The following CEP295 variants were observed in gnomAD, a reference collection of about 807,000 sequenced individuals.
CEP295 encodes centrosomal protein 295.
CEP295 carries 190 observed loss-of-function variants against 291.6 expected under a neutral mutation model. The observed-to-expected ratio is 0.65, with a 90% confidence interval of 0.58 to 0.73. The LOEUF (loss-of-function observed/expected upper bound fraction) is 0.73. Ranked by LOEUF, CEP295 falls within the 30% of genes least tolerant of loss-of-function variation. The pLI is 0.00. For synonymous variants in CEP295, 993 were observed against 1,038.8 expected (o/e 0.96, Z 0.85); for missense variants, 2,863 against 2,949.4 (o/e 0.97, Z 0.68).
rs1049920925 is a variant in CEP295 at position 93,725,696 on chromosome 11, A to G, written c.6364A>G (p.Lys2122Glu). The change falls in exon 23 of 30, where the codon AAA becomes GAA. Residue 2122 changes from lysine to glutamate, a missense_variant. Physicochemically the swap from Lys to Glu is moderately conservative, Grantham distance 56. This residue lies in a region of CEP295 where 2,295 missense variants were observed against 2,335.7 expected (regional missense o/e 0.98). Transcript: ENST00000325212. ...AAGCCACTGTGCTACTGGATTATCCAAAAGTACAGTTTATTTCACAGCACT... is the reference window on the plus strand; with the variant it reads ...AAGCCACTGTGCTACTGGATTATCCGAAAGTACAGTTTATTTCACAGCACT... ...SESHCATGLSKSTVYFTALRR... is the reference protein window; with the variant it reads ...SESHCATGLSESTVYFTALRR... 3.9e-6 allele frequency: 6 copies of G among 1,551,096 alleles called. No homozygotes were observed. The African/African-American group carries it at 4.1e-5, about 11-fold the overall frequency.
At chr11:93,690,592 C>T (rs567591257) in intron 10 of CEP295, among the ~76,000 whole-genome samples, 11 of 144,896 alleles carry the variant, frequency 7.6e-5, no homozygotes, top group African/African-American at 2.6e-4. Context: ...GTGAGCCAGG[C>T]GTGGTGGCGG....
intron 25 of CEP295, 30 bp downstream of exon 25, chr11:93,728,851 C>A (rs1354944215): frequency 6.6e-7 from 1 of 1,513,908 alleles, no homozygotes; most frequent in Non-Finnish European, 8.9e-7. Context: ...CTATTTTATT[C>A]TATTACAAGC....
rs1271835584 is a variant in CEP295, at chr11:93,698,034, A to T, written c.3122A>T (p.Asp1041Val). The T allele has an allele frequency of 5.8e-6, 9 of 1,551,794 alleles. No homozygotes were observed. The highest frequency in any genetic ancestry group is 7.8e-6 in the Non-Finnish European group (9 of 1,147,006). Residue 1041 changes from aspartate (D) to valine (V), a missense_variant, in exon 15 of 30, where the codon GAT becomes GTT. Asp to Val is a radical substitution (Grantham distance 152, BLOSUM62 -3). This residue lies in a region of CEP295 where 2,295 missense variants were observed against 2,335.7 expected (regional missense o/e 0.98). Transcript: ENST00000325212. ...SCQSDIPISQDGSLSFLQQFL... is the reference protein window; with the variant it reads ...SCQSDIPISQVGSLSFLQQFL... ...CAATCTGACATCCCCATATCTCAGG[A>T]TGGGTCTTTGAGTTTCCTACAGCAG... is the stretch of plus-strand genomic sequence containing the variant.
intron 5 of CEP295, among the ~76,000 whole-genome samples, chr11:93,674,408 G>A (rs1288780125): frequency 3.9e-5 from 6 of 152,214 alleles, no homozygotes; most frequent in South Asian, 2.1e-4. Flanking sequence ...CATTTGTGAT[G>A]TCATTGAATT....
chr11:93,679,450 AT>A lies in CEP295; in HGVS notation c.665del (p.Leu222TrpfsTer27). The A allele has an allele frequency of 6.4e-7, 1 of 1,551,596 alleles. No homozygotes were observed. The highest frequency in any genetic ancestry group is 8.7e-7 in the Non-Finnish European group (1 of 1,146,864). ...RLAAEEEAKR[L>X]EELQKQAAQE... Reference sequence around the variant, plus strand: ...TGGCTGCTGAAGAGGAAGCTAAACGATTGGAAGAACTACAAAAACAGGCAGC... The same window carrying A: ...TGGCTGCTGAAGAGGAAGCTAAACGATGGAAGAACTACAAAAACAGGCAGC... On this transcript the variant is annotated frameshift_variant, in exon 7 of 30. Transcript: ENST00000325212. LOFTEE classifies it high-confidence loss of function.
chr11:93,728,973 T>A, intron 25 of CEP295, 152 bp downstream of exon 25: 1 of 630,698 alleles, frequency 1.6e-6, no homozygotes, highest in South Asian at 2.3e-5. Context: ...GTCTTAAACC[T>A]TCACTATTCT....
At chr11:93,678,465 T>A (rs1383919673) in intron 6 of CEP295, among the ~76,000 whole-genome samples, 1 of 152,244 alleles carries the variant, frequency 6.6e-6, no homozygotes, top group Non-Finnish European at 1.5e-5. Flanking sequence ...TATCTCACCA[T>A]GTGAGAATTT....
At chr11:93,715,798 TG>T (rs1239225610) in intron 18 of CEP295, among the ~76,000 whole-genome samples, 1 of 152,074 alleles carries the variant, frequency 6.6e-6, no homozygotes, top group Non-Finnish European at 1.5e-5. Flanking sequence ...GGTCCTAGTA[TG>T]GGGACCTCAT....
chr11:93,694,041 A>G (rs922919879), intron 12 of CEP295, among the ~76,000 whole-genome samples: 1 of 152,238 alleles, frequency 6.6e-6, no homozygotes, highest in Non-Finnish European at 1.5e-5. Flanking sequence ...AGGGGCTCCT[A>G]TGAGTAAGGG....
In CEP295 at chr11:93,702,544, G is replaced by A; in HGVS notation, c.5359G>A (p.Ala1787Thr). 1 of 1,551,092 alleles carries A rather than the reference G, an allele frequency of 6.4e-7. No individual in the cohort carries two copies. Among genetic ancestry groups the A allele is most frequent in the Non-Finnish European group, 8.7e-7 (1 of 1,146,646 alleles). The change falls in exon 16 of 30, where the codon GCA (alanine) becomes ACA (threonine). Residue 1787 changes from alanine to threonine, a missense_variant. This residue lies in a region of CEP295 where 2,295 missense variants were observed against 2,335.7 expected (regional missense o/e 0.98). Transcript: ENST00000325212. The stretch of plus-strand genomic sequence containing the variant: ...CTGGTTTCCTAATACACAAGACCTA[G>A]CAGGAAATGATCAAGAAAATATTAG... The part of the protein sequence containing the change: ...RDWFPNTQDL[A>T]GNDQENIRHA...
At position 93,727,460 on chromosome 11, in the gene CEP295, G is replaced by T. The variant is rs1344105400; in HGVS notation, c.6984G>T (p.Val2328=). The change falls in exon 24 of 30, where the codon GTG becomes GTT. Residue 2328 remains valine (V), a synonymous_variant. Transcript: ENST00000325212. Reference sequence around the variant, plus strand: ...ACTCTCGATTATGTGTAAGAACAGTGGAGATGGGAACTTCAATTCAGGCAC... The same window carrying T: ...ACTCTCGATTATGTGTAAGAACAGTTGAGATGGGAACTTCAATTCAGGCAC... ...ETDSRLCVRT[V]EMGTSIQAPY... The T allele has an allele frequency of 1.3e-6, 2 of 1,551,836 alleles. No homozygotes were observed. The highest frequency in any genetic ancestry group is 8.7e-7 in the Non-Finnish European group (1 of 1,147,026).
chr11:93,699,646 T>C lies in CEP295; in HGVS notation c.4734T>C (p.Ser1578=), dbSNP rs1275381741. 1.9e-6 allele frequency: 3 copies of C among 1,551,648 alleles called. No individual in the cohort carries two copies. The highest frequency in any genetic ancestry group is 2.6e-6 in the Non-Finnish European group (3 of 1,147,042). The change falls in exon 15 of 30, where the codon AGT becomes AGC. Residue 1578 remains serine, a synonymous_variant. Coordinates refer to ENST00000325212, the MANE Select transcript of CEP295 (RefSeq NM_033395.2). ...AAAGTAATGATACTCTTCCCTCAAG[T>C]CATCGTGAGATTCCAAGATTACAGG... ...PTKSNDTLPS[S]HREIPRLQDR... is the part of the protein sequence containing the mutation.
chr11:93,683,922 T>A, intron 8 of CEP295, 42 bp from the exon 9 acceptor site: 1 of 1,523,324 alleles, frequency 6.6e-7, no homozygotes, highest in Non-Finnish European at 8.8e-7. Context: ...TTATTTTTAA[T>A]CATTTTGGAA....
In CEP295 at chr11:93,721,377, G is replaced by A. The variant is rs74976465; in HGVS notation, c.5815G>A (p.Ala1939Thr). ...AAGTTATGCTGTGGAGGAAGAACAT[G>A]CATATTTGGGTCCAACTGTGAAGCC... Reference protein sequence around the residue: ...VLSYAVEEEHAYLGPTVKPDD... With the variant: ...VLSYAVEEEHTYLGPTVKPDD... Residue 1939 changes from alanine to threonine, a missense_variant, in exon 19 of 30, where the codon GCA (alanine) becomes ACA (threonine). Coordinates refer to ENST00000325212, the MANE Select transcript of CEP295 (RefSeq NM_033395.2). 3,177 of 1,579,128 alleles carry A rather than the reference G, an allele frequency of 2.0e-3. 102 individuals carry two copies. In the East Asian group the frequency reaches 0.068, roughly 34 times the overall value.
At chr11:93,685,839 T>G (rs987108422) in intron 9 of CEP295, among the ~76,000 whole-genome samples, 19 of 151,854 alleles carry the variant, frequency 1.3e-4, no homozygotes, top group Non-Finnish European at 2.8e-4. Context: ...GCCTCCCAAG[T>G]AGCTGGGACT....
Position 93,697,069 on chromosome 11 carries a change from A to G in CEP295, c.2157A>G (p.Gln719=), listed in dbSNP as rs1951879402. 2.6e-6 allele frequency: 4 copies of G among 1,551,662 alleles called. No individual in the cohort carries two copies. The highest frequency in any genetic ancestry group is 1.4e-5 in the African/African-American group (1 of 73,186). Reference sequence around the variant, plus strand: ...GGCAATTCTCTCAGACTGAAACACAACAGAGAGACTATAAATTGGTCCCCA... The same window carrying G: ...GGCAATTCTCTCAGACTGAAACACAGCAGAGAGACTATAAATTGGTCCCCA... ...HLRQFSQTET[Q]QRDYKLVPKD... is the part of the protein sequence containing the mutation. Residue 719 remains glutamine (Q), a synonymous_variant, in exon 15 of 30, where the codon CAA becomes CAG. Coordinates refer to ENST00000325212, the MANE Select transcript of CEP295 (RefSeq NM_033395.2).
chr11:93,698,356 G>A lies in CEP295; in HGVS notation c.3444G>A (p.Lys1148=), dbSNP rs866277210. ...TGATAATCCCAACATTTCAGGATAA[G>A]TCTCTTAGTTTTCCACAGCATAGCC... is the stretch of plus-strand genomic sequence containing the variant. ...CHLIIPTFQD[K]SLSFPQHSLA... is the part of the protein sequence containing the mutation. Residue 1148 remains lysine, a synonymous_variant, in exon 15 of 30, where the codon AAG becomes AAA. Coordinates refer to ENST00000325212, the MANE Select transcript of CEP295 (RefSeq NM_033395.2). 6 of 1,552,060 alleles carry A rather than the reference G, an allele frequency of 3.9e-6. No homozygotes were observed. The South Asian group carries it at 4.8e-5, about 12-fold the overall frequency.
In CEP295 at chr11:93,697,565, C is replaced by G; in HGVS notation, c.2653C>G (p.Leu885Val). The part of the protein sequence containing the change: ...KQKEVEQQTG[L>V]SVFLPLVTPD... ...GAAAGAAGTGGAACAGCAAACGGGC[C>G]TCTCGGTATTCCTTCCCTTGGTAAC... Residue 885 changes from leucine (L) to valine (V), a missense_variant, in exon 15 of 30, where the codon CTC (leucine) becomes GTC (valine). Coordinates refer to ENST00000325212, the MANE Select transcript of CEP295 (RefSeq NM_033395.2). 1 of 1,551,760 alleles carries G rather than the reference C, an allele frequency of 6.4e-7. No individual in the cohort carries two copies. The highest frequency in any genetic ancestry group is 8.7e-7 in the Non-Finnish European group (1 of 1,146,980).
At chr11:93,679,057 G>A (rs1359655270) in intron 6 of CEP295, among the ~76,000 whole-genome samples, 6 of 152,052 alleles carry the variant, frequency 3.9e-5, no homozygotes, top group East Asian at 1.9e-4. Context: ...GAGTTTCACC[G>A]TGTTGGACAG....
Sources: gnomAD v4.1 joint callset for allele counts (sites outside exome capture counted in the v4.1 genomes callset) on GRCh38, gnomAD v4.1.1 for gene constraint, gnomAD v4.1.1 regional missense constraint, MANE v1.5 for transcripts, NCBI Gene and HGNC (gene_info 2026-07-23, HGNC 2026-07-21) for gene names.